INHBC: variants seen among roughly 807,000 people sequenced by gnomAD.
The protein encoded by INHBC is inhibin subunit beta C, also known as inhibin beta C chain.
A neutral mutation model predicts 12.4 loss-of-function variants in INHBC; 10 were observed. The observed-to-expected ratio is 0.81, with a 90% CI of 0.50 to 1.37. INHBC has a LOEUF of 1.37. INHBC is among the 40% of genes most tolerant of loss of function. The probability of loss-of-function intolerance (pLI) is 0.00; values close to 1 mark genes in which losing one functional copy is unlikely to be tolerated. For missense variants in INHBC, 382 were observed against 439.4 expected, an observed-to-expected ratio of 0.87 and a Z score of 1.17; for synonymous variants, 147 against 171.6, an observed-to-expected ratio of 0.86 and a Z score of 1.12.
chr12:57,445,925 T>TTTTG (rs929011963), intron 1 of INHBC, among the ~76,000 whole-genome samples: 9 of 151,510 alleles, frequency 5.9e-5, no homozygotes, highest in South Asian at 2.1e-4. Context: ...TTGGTGGTTT[T>TTTTG]TTTGTTTGTT....
chr12:57,443,242 TGA>T (rs1461804545), intron 1 of INHBC, among the ~76,000 whole-genome samples: 1 of 143,278 alleles, frequency 7.0e-6, no homozygotes, highest in African/African-American at 2.6e-5. Flanking sequence ...CTCAGCCTCC[TGA>T]GTAGCTGGGA....
intron 1 of INHBC, among the ~76,000 whole-genome samples, chr12:57,436,891 TCTC>T (rs2139829686): frequency 6.7e-6 from 1 of 150,276 alleles, no homozygotes; most frequent in African/African-American, 2.4e-5. Context: ...ATGATCTCGA[TCTC>T]CTGACCTCGT....
Position 57,435,080 on chromosome 12 carries a change from G to A in INHBC, c.194G>A (p.Arg65His), listed in dbSNP as rs117312963. 6.3e-5 allele frequency: 102 copies of A among 1,614,164 alleles called. No individual in the cohort carries two copies. The East Asian group carries it at 1.4e-3, about 22-fold the overall frequency. The change falls in exon 1 of 2, where the codon CGC becomes CAC. Residue 65 changes from arginine to histidine, a missense_variant. Physicochemically the swap from Arg to His is conservative, Grantham distance 29 (BLOSUM62 0). Transcript: ENST00000309668. ...CTCACCCAGCGCCCAACACTGAACC[G>A]CCCTGTGTCCAGAGCTGCTTTGAGG... The part of the protein sequence containing the change: ...LHLTQRPTLN[R>H]PVSRAALRTA...
At chr12:57,440,999 G>C (rs779155495) in intron 1 of INHBC, among the ~76,000 whole-genome samples, 3 of 152,134 alleles carry the variant, frequency 2.0e-5, no homozygotes, top group African/African-American at 7.2e-5. Context: ...CTTGAGGCCA[G>C]GAGTTTGAGA....
At chr12:57,447,770 G>C (rs1359560915) in intron 1 of INHBC, among the ~76,000 whole-genome samples, 2 of 137,802 alleles carry the variant, frequency 1.5e-5, no homozygotes, top group African/African-American at 5.4e-5. Context: ...GCTGAGGCAG[G>C]AGAATTGCTT....
chr12:57,447,533 G>A (rs1392984165), intron 1 of INHBC, among the ~76,000 whole-genome samples: 1 of 151,558 alleles, frequency 6.6e-6, no homozygotes, highest in Non-Finnish European at 1.5e-5. Flanking sequence ...CACCAAGAAT[G>A]AAGAGGGGGT....
At chr12:57,446,155 C>T (rs916382472) in intron 1 of INHBC, among the ~76,000 whole-genome samples, 13 of 151,974 alleles carry the variant, frequency 8.6e-5, no homozygotes, top group African/African-American at 2.9e-4. Context: ...AGGTTGGTCT[C>T]GAACTCCTGA....
Position 57,450,100 on chromosome 12 carries a change from A to G in INHBC, c.*78A>G. Reference sequence around the variant, plus strand: ...GAAGTGCACTTCCTTGAGAGGAGGGAATGACCTCATTCTCTGTCCAGAATG... The same window carrying G: ...GAAGTGCACTTCCTTGAGAGGAGGGGATGACCTCATTCTCTGTCCAGAATG... On this transcript the variant is annotated 3_prime_UTR_variant, in exon 2 of 2. Transcript: ENST00000309668. The G allele has an allele frequency of 7.1e-7, 1 of 1,400,326 alleles. No homozygotes were observed. Among genetic ancestry groups the G allele is most frequent in the South Asian group, 1.7e-5 (1 of 59,138 alleles). 86.7% of individuals were successfully genotyped at this position (1,400,326 alleles called of 1,614,324 possible).
chr12:57,435,310 C>A, intron 1 of INHBC, 111 bp downstream of exon 1: 1 of 1,016,642 alleles, frequency 9.8e-7, no homozygotes, highest in Non-Finnish European at 1.4e-6. Context: ...CCAACCCCTG[C>A]TTCCCACAGG....
At chr12:57,436,804 C>T (rs1870351781) in intron 1 of INHBC, among the ~76,000 whole-genome samples, 1 of 151,948 alleles carries the variant, frequency 6.6e-6, no homozygotes, top group African/African-American at 2.4e-5. Context: ...GTAGCTGGGG[C>T]TACAGGCGCC....
At chr12:57,449,058 A>C (rs1870647693) in intron 1 of INHBC, among the ~76,000 whole-genome samples, 1 of 152,194 alleles carries the variant, frequency 6.6e-6, no homozygotes, top group Non-Finnish European at 1.5e-5. Flanking sequence ...CCATTCATGA[A>C]GGTGGTATTC....
chr12:57,448,847 C>G (rs547653071), intron 1 of INHBC, among the ~76,000 whole-genome samples: 2 of 152,306 alleles, frequency 1.3e-5, no homozygotes, highest in East Asian at 3.9e-4. Flanking sequence ...ATACCACAGA[C>G]TAGGTCATTT....
rs780981579 is a variant in INHBC at position 57,449,780 on chromosome 12, A to G, written c.817A>G (p.Met273Val). Residue 273 changes from methionine (M) to valine (V), a missense_variant, in exon 2 of 2, where the codon ATG becomes GTG. Physicochemically the swap from Met to Val is conservative, Grantham distance 21. Coordinates refer to ENST00000309668, the MANE Select transcript of INHBC (RefSeq NM_005538.4). ...GATCATCCAGCCTGAGGGCTACGCCATGAACTTCTGCATAGGGCAGTGCCC... is the reference window on the plus strand; with the variant it reads ...GATCATCCAGCCTGAGGGCTACGCCGTGAACTTCTGCATAGGGCAGTGCCC... Reference protein sequence around the residue: ...DWIIQPEGYAMNFCIGQCPLH... With the variant: ...DWIIQPEGYAVNFCIGQCPLH... 13 of 1,614,240 alleles carry G rather than the reference A, an allele frequency of 8.1e-6. No homozygotes were observed. Among genetic ancestry groups the G allele is most frequent in the South Asian group, 1.1e-5 (1 of 91,086 alleles).
chr12:57,443,710 T>A (rs1038046725), intron 1 of INHBC, among the ~76,000 whole-genome samples: 1 of 152,238 alleles, frequency 6.6e-6, no homozygotes, highest in Admixed American at 6.5e-5. Context: ...AATTTTATGA[T>A]CCATCCATGT....
intron 1 of INHBC, among the ~76,000 whole-genome samples, chr12:57,437,801 TTTGA>T (rs1870378796): frequency 6.6e-6 from 1 of 151,504 alleles, no homozygotes; most frequent in Non-Finnish European, 1.5e-5. Flanking sequence ...TGTTTGTTTG[TTTGA>T]GATGGAGTCT....
intron 1 of INHBC, among the ~76,000 whole-genome samples, chr12:57,443,579 G>A (rs370316240): frequency 1.6e-4 from 25 of 151,542 alleles, no homozygotes; most frequent in African/African-American, 4.8e-4. Flanking sequence ...CCACTGCGCC[G>A]GGCCTCATAA....
intron 1 of INHBC, among the ~76,000 whole-genome samples, chr12:57,444,129 C>T (rs919666160): frequency 6.6e-6 from 1 of 152,046 alleles, no homozygotes; most frequent in Non-Finnish European, 1.5e-5. Context: ...TTACTAAATA[C>T]CAAGTACTAG....
At position 57,441,302 on chromosome 12, in the gene INHBC, C is replaced by T. The variant is rs139227189; in HGVS notation, c.313+6103C>T. On this transcript the variant is annotated intron_variant, in intron 1 of 1. Coordinates refer to ENST00000309668, the MANE Select transcript of INHBC (RefSeq NM_005538.4). ...CCAGGGGGTGGAGGTTGCAGTGAGC[C>T]GAGTTCGTGCCATTGCACTCCAGCC... Among the ~76,000 whole-genome samples, 315 of 142,892 alleles carry T rather than the reference C, an allele frequency of 2.2e-3. 7 individuals are homozygous for T. The East Asian group carries it at 0.053, about 24-fold the overall frequency. The allele number at this position is 142,892 out of a possible 152,430, so 93.7% of individuals were successfully genotyped here.
rs551508231 is a variant in INHBC, at chr12:57,437,881, G to T, written c.313+2682G>T. Among the ~76,000 whole-genome samples, 13 of 151,642 alleles carry T rather than the reference G, an allele frequency of 8.6e-5. No homozygotes were observed. The East Asian group carries it at 2.4e-3, about 28-fold the overall frequency. On this transcript the variant is annotated intron_variant, in intron 1 of 1. Transcript: ENST00000309668. Reference sequence around the variant, plus strand: ...GCTCACTGCAACCCCCGCCTCCCGGGTTCAAGCCATTCTCCTGCCTCAGCC... The same window carrying T: ...GCTCACTGCAACCCCCGCCTCCCGGTTTCAAGCCATTCTCCTGCCTCAGCC...
Sources: gnomAD v4.1 joint callset for allele counts (sites outside exome capture counted in the v4.1 genomes callset) on GRCh38, gnomAD v4.1.1 for gene constraint, MANE v1.5 for transcripts, NCBI Gene and HGNC (gene_info 2026-07-23, HGNC 2026-07-21) for gene names.